The following PDE1C variants were observed in gnomAD, a reference collection of about 807,000 sequenced individuals.
PDE1C encodes the protein phosphodiesterase 1C.
Under a neutral mutation model 93.1 loss-of-function variants are expected in PDE1C, and 62 were observed. That is an observed-to-expected ratio of 0.67 (90% CI 0.54 to 0.82). The LOEUF (loss-of-function observed/expected upper bound fraction) is 0.82, where lower values mean the gene tolerates loss of function less well. Among genes scored for constraint, PDE1C ranks in the 40% least tolerant of loss-of-function variants. The pLI, the probability that PDE1C is intolerant of heterozygous loss-of-function variation, is 0.00. For missense variants in PDE1C, 742 were observed against 884.6 expected, an observed-to-expected ratio of 0.84 and a Z score of 2.04; for synonymous variants, 325 against 310.1, an observed-to-expected ratio of 1.05 and a Z score of -0.50.
At chr7:31,878,251 G>C (rs1362731442) in intron 4 of PDE1C, among the ~76,000 whole-genome samples, 2 of 151,840 alleles carry the variant, frequency 1.3e-5, no homozygotes, top group Non-Finnish European at 2.9e-5. Flanking sequence ...TGAACCATGG[G>C]GGAAAAAAAA....
At chr7:32,255,839 GGTGCAGATACTT>G (rs998958782) in intron 1 of PDE1C, among the ~76,000 whole-genome samples, 8 of 152,170 alleles carry the variant, frequency 5.3e-5, no homozygotes, top group East Asian at 1.9e-4. Context: ...GGCAGAGGCT[GGTGCAGATACTT>G]GTGCAGATAC....
At chr7:32,054,704 T>C (rs1584623422) in intron 1 of PDE1C, among the ~76,000 whole-genome samples, 1 of 152,220 alleles carries the variant, frequency 6.6e-6, no homozygotes, top group South Asian at 2.1e-4. Flanking sequence ...TTCATAGATA[T>C]ATTCTTAGCT....
chr7:32,419,547 T>C (rs1785345770), intron 1 of PDE1C, among the ~76,000 whole-genome samples: 2 of 152,160 alleles, frequency 1.3e-5, no homozygotes, highest in Non-Finnish European at 2.9e-5. Context: ...TTAGTTACTG[T>C]TCTGGCAGTG....
intron 1 of PDE1C, among the ~76,000 whole-genome samples, chr7:32,260,694 C>T (rs181248283): frequency 6.6e-5 from 10 of 152,358 alleles, no homozygotes; most frequent in African/African-American, 2.4e-4. Flanking sequence ...TGGGCATAGG[C>T]CGAACTAACT....
intron 16 of PDE1C, among the ~76,000 whole-genome samples, chr7:31,802,429 T>C (rs1268784401): frequency 2.6e-5 from 4 of 151,640 alleles, no homozygotes; most frequent in African/African-American, 7.2e-5. Flanking sequence ...AGTACATTTA[T>C]ATTATTTTGT....
intron 16 of PDE1C, chr7:31,786,174 T>A (rs948119131): frequency 2.0e-5 from 3 of 152,218 alleles, no homozygotes; most frequent in African/African-American, 7.2e-5. Context: ...TGTTTAAGGT[T>A]TTAAAAGTTT....
chr7:31,887,256 G>A (rs578043194), intron 2 of PDE1C, among the ~76,000 whole-genome samples: 70 of 152,166 alleles, frequency 4.6e-4, no homozygotes, highest in African/African-American at 1.6e-3. Context: ...TGGGGCATGC[G>A]GTTTCCTCAT....
chr7:32,047,129 C>T (rs73098633), intron 2 of PDE1C, among the ~76,000 whole-genome samples: 11,147 of 150,976 alleles, frequency 0.074, 496 homozygotes, highest in Non-Finnish European at 0.09. Flanking sequence ...CTTGCAACAT[C>T]AGCTCTGATA....
chr7:32,380,960 C>G (rs938885287), intron 1 of PDE1C, among the ~76,000 whole-genome samples: 4 of 152,040 alleles, frequency 2.6e-5, no homozygotes, highest in African/African-American at 9.7e-5. Flanking sequence ...CCAGTTCCAA[C>G]CTCTCTCCTG....
intron 1 of PDE1C, among the ~76,000 whole-genome samples, chr7:32,282,195 G>A (rs1434536440): frequency 6.6e-6 from 1 of 151,676 alleles, no homozygotes; most frequent in Non-Finnish European, 1.5e-5. Flanking sequence ...ATAGATGGTC[G>A]GCCGGGTGTG....
chr7:31,745,706 A>T, the PDE1C span, among the ~76,000 whole-genome samples: 1 of 152,228 alleles, frequency 6.6e-6, no homozygotes, highest in East Asian at 1.9e-4. Context: ...GACCTGGCTC[A>T]GTCAACAAGC....
intron 17 of PDE1C, among the ~76,000 whole-genome samples, chr7:31,758,778 A>C (rs1794638507): frequency 6.6e-6 from 1 of 152,216 alleles, no homozygotes; most frequent in African/African-American, 2.4e-5. Flanking sequence ...GAACAAACAT[A>C]AAAGCAGTGC....
upstream of PDE1C, among the ~76,000 whole-genome samples, chr7:32,075,476 T>C (rs1796299339): frequency 6.6e-6 from 1 of 152,142 alleles, no homozygotes; most frequent in Admixed American, 6.5e-5. Flanking sequence ...GCTTCCTTTG[T>C]GGGGAAAGGG....
At chr7:31,935,191 G>C (rs1285476279) in intron 2 of PDE1C, among the ~76,000 whole-genome samples, 1 of 152,186 alleles carries the variant, frequency 6.6e-6, no homozygotes, top group Non-Finnish European at 1.5e-5. Context: ...ATAGTGAAGA[G>C]AAGGCAGCCT....
intron 5 of PDE1C, among the ~76,000 whole-genome samples, chr7:31,874,040 C>G (rs922912259): frequency 6.6e-6 from 1 of 152,202 alleles, no homozygotes; most frequent in Non-Finnish European, 1.5e-5. Context: ...TCAATCGAAA[C>G]TGCTGAGCTG....
intron 2 of PDE1C, among the ~76,000 whole-genome samples, chr7:31,988,561 ATTTTGGACC>A (rs1783710766): frequency 6.6e-6 from 1 of 152,044 alleles, no homozygotes; most frequent in Non-Finnish European, 1.5e-5. Flanking sequence ...TAATTTGATT[ATTTTGGACC>A]TTACTGCCTG....
rs138816402 is a variant in PDE1C, at chr7:31,983,789, A to G, written c.128+67765T>C. Among the ~76,000 whole-genome samples, 618 of 152,148 alleles carry G rather than the reference A, an allele frequency of 4.1e-3. 8 individuals are homozygous for G. Among genetic ancestry groups the G allele is most frequent in the African/African-American group, 0.014 (571 of 41,488 alleles). ...AAACCCTCTGATTTATCATTCCACC[A>G]CTTCACTTATTTGTAAAACCAACTA... On this transcript the variant is annotated intron_variant, in intron 2 of 17. Coordinates refer to ENST00000396191, the MANE Select transcript of PDE1C (RefSeq NM_001191057.4).
intron 2 of PDE1C, among the ~76,000 whole-genome samples, chr7:32,181,233 G>T (rs1803389643): frequency 6.6e-6 from 1 of 152,130 alleles, no homozygotes; most frequent in Non-Finnish European, 1.5e-5. Context: ...ACATTAGACA[G>T]ATCAACGAGA....
intron 7 of PDE1C, among the ~76,000 whole-genome samples, chr7:31,854,627 T>A (rs1793767814): frequency 6.6e-6 from 1 of 152,128 alleles, no homozygotes; most frequent in Non-Finnish European, 1.5e-5. Flanking sequence ...AGAGGAAACC[T>A]GAAGGGAAAG....
Sources: allele counts gnomAD v4.1 joint callset (sites outside exome capture counted in the v4.1 genomes callset), GRCh38; gene constraint gnomAD v4.1.1; transcripts MANE v1.5; gene names NCBI Gene and HGNC (gene_info 2026-07-23, HGNC 2026-07-21).